MICAL3: variants seen among roughly 807,000 people sequenced by gnomAD.
MICAL3 encodes [F-actin]-monooxygenase MICAL3.
MICAL3 carries 62 observed loss-of-function variants against 207.4 expected under a neutral mutation model. The observed-to-expected ratio is 0.30, with a 90% CI of 0.24 to 0.37. MICAL3 has a LOEUF of 0.37. MICAL3 is among the 10% of genes least tolerant of loss of function. MICAL3 has a pLI of 1.00. For synonymous variants in MICAL3, 1,077 were observed against 1,069.3 expected, an observed-to-expected ratio of 1.01 and a Z score of -0.14; for missense variants, 2,368 against 2,635.6, an observed-to-expected ratio of 0.90 and a Z score of 2.22.
intron 29 of MICAL3, among the ~76,000 whole-genome samples, chr22:17,795,467 T>C (rs1230684107): frequency 6.6e-6 from 1 of 152,074 alleles, no homozygotes; most frequent in East Asian, 1.9e-4. Context: ...CCTGCACGGG[T>C]AATAATTACA....
At chr22:17,809,372 A>G (rs559417866) in intron 28 of MICAL3, among the ~76,000 whole-genome samples, 1 of 152,342 alleles carries the variant, frequency 6.6e-6, no homozygotes, top group East Asian at 1.9e-4. Flanking sequence ...ACGGTGGCTC[A>G]TCCGTGTAAT....
intron 1 of MICAL3, among the ~76,000 whole-genome samples, chr22:17,948,522 G>A (rs1300721972): frequency 6.6e-6 from 1 of 152,210 alleles, no homozygotes; most frequent in Admixed American, 6.5e-5. Context: ...ACAAGACACA[G>A]ACCCTGCTCC....
At chr22:17,893,978 T>G in intron 10 of MICAL3, 74 bp from the exon 11 acceptor site, 1 of 1,113,058 alleles carries the variant, frequency 9.0e-7, no homozygotes, top group East Asian at 2.6e-5. Flanking sequence ...AAGAGCAGAA[T>G]GGCTGAAAGG....
At position 17,865,985 on chromosome 22, in the gene MICAL3, C is replaced by T; in HGVS notation, c.2456G>A (p.Cys819Tyr). The T allele has an allele frequency of 6.2e-7, 1 of 1,613,932 alleles. No individual in the cohort carries two copies. The highest frequency in any genetic ancestry group is 2.2e-5 in the East Asian group (1 of 44,886). ...DGKFYCKPHYCYRLSGYAQRK... is the reference protein window; with the variant it reads ...DGKFYCKPHYYYRLSGYAQRK... ...TTGTGCGTAGCCAGAGAGTCGATAG[C>T]AGTAGTGTGGCTTACAGTAGAATTT... Residue 819 changes from cysteine (C) to tyrosine (Y), a missense_variant, in exon 18 of 32, where the codon TGC becomes TAC. This residue lies in a region of MICAL3 where 1,770 missense variants were observed against 1,863.2 expected (regional missense o/e 0.95). Coordinates refer to ENST00000441493, the MANE Select transcript of MICAL3 (RefSeq NM_015241.3).
At chr22:17,993,974 C>G (rs1219650185) in intron 1 of MICAL3, among the ~76,000 whole-genome samples, 4 of 152,180 alleles carry the variant, frequency 2.6e-5, no homozygotes, top group South Asian at 4.1e-4. Flanking sequence ...CTCTGTGCCC[C>G]ACTTCCTAGT....
chr22:17,837,491 G>A (rs1923520093), intron 20 of MICAL3, among the ~76,000 whole-genome samples: 1 of 152,272 alleles, frequency 6.6e-6, no homozygotes, highest in Non-Finnish European at 1.5e-5. Context: ...TGCACCAGCT[G>A]CCTTTGCTGC....
intron 17 of MICAL3, among the ~76,000 whole-genome samples, chr22:17,867,140 G>A (rs1157740572): frequency 6.6e-6 from 1 of 152,186 alleles, no homozygotes; most frequent in African/African-American, 2.4e-5. Context: ...CAGAGAAACT[G>A]ACTTGTTTTA....
At chr22:17,888,856 T>G (rs1930152372) in intron 13 of MICAL3, among the ~76,000 whole-genome samples, 178 bp downstream of exon 13, 1 of 152,154 alleles carries the variant, frequency 6.6e-6, no homozygotes, top group Non-Finnish European at 1.5e-5. Flanking sequence ...AACACACTAC[T>G]AGAGAAGGGA....
intron 1 of MICAL3, chr22:18,001,352 G>A (rs953230620): frequency 6.6e-6 from 1 of 152,270 alleles, no homozygotes; most frequent in African/African-American, 2.4e-5. Context: ...GCTCCCCGGG[G>A]ACGGTTGGCG....
In MICAL3 at chr22:17,941,284, C is replaced by G. The variant is rs141059046; in HGVS notation, c.-74-34398G>C. 7.7e-4 allele frequency among the ~76,000 whole-genome samples: 118 copies of G among 152,312 alleles called. 1 individual carries two copies. In the East Asian group the frequency reaches 0.011, roughly 14 times the overall value. On this transcript the variant is annotated intron_variant, in intron 1 of 31. Coordinates refer to ENST00000441493, the MANE Select transcript of MICAL3 (RefSeq NM_015241.3). ...TTAGAGAAGTGAACTATGTCAACACCGGCACCGATGTCAGCCAAGTTGAAA... is the reference window on the plus strand; with the variant it reads ...TTAGAGAAGTGAACTATGTCAACACGGGCACCGATGTCAGCCAAGTTGAAA...
At chr22:17,825,214 G>A (rs1922044960) in intron 22 of MICAL3, among the ~76,000 whole-genome samples, 1 of 151,908 alleles carries the variant, frequency 6.6e-6, no homozygotes, top group Non-Finnish European at 1.5e-5. Flanking sequence ...CGGGTGAGAA[G>A]TCTACACTCC....
At position 17,900,401 on chromosome 22, in the gene MICAL3, G is replaced by A. The variant is rs904274999; in HGVS notation, c.847+441C>T. ...AGGCAGGTGGAGCCCAGGAGTTTGG[G>A]AGCAGCCCGGGCAACATGGCGAAAC... On this transcript the variant is annotated intron_variant, in intron 6 of 31. Coordinates refer to ENST00000441493, the MANE Select transcript of MICAL3 (RefSeq NM_015241.3). This position sits in a 1 kb window ranked among gnomAD's most constrained non-coding sequence, Gnocchi z 4.0. 1.3e-5 allele frequency among the ~76,000 whole-genome samples: 2 copies of A among 152,204 alleles called. No homozygotes were observed. Among genetic ancestry groups the A allele is most frequent in the African/African-American group, 4.8e-5 (2 of 41,438 alleles).
chr22:17,892,573 C>G (rs1930478956), intron 11 of MICAL3, among the ~76,000 whole-genome samples: 1 of 152,174 alleles, frequency 6.6e-6, no homozygotes, highest in South Asian at 2.1e-4. Flanking sequence ...GGTGCCATCT[C>G]TTGGCTCAGA....
intron 1 of MICAL3, among the ~76,000 whole-genome samples, chr22:17,945,213 G>A (rs1417295329): frequency 6.6e-6 from 1 of 152,092 alleles, no homozygotes; most frequent in Admixed American, 6.5e-5. Context: ...CCATAAGGAA[G>A]CCCCCAATCC....
chr22:17,866,613 C>CAGAATGGAATAGAATAGAAT (rs1556037532), intron 17 of MICAL3, among the ~76,000 whole-genome samples: 1 of 136,176 alleles, frequency 7.3e-6, no homozygotes, highest in African/African-American at 2.9e-5. Context: ...TAGAACAGAA[C>CAGAATGGAATAGAATAGAAT]AGAATAGAAT....
intron 29 of MICAL3, 63 bp downstream of exon 29, chr22:17,808,781 C>T: frequency 7.2e-7 from 1 of 1,397,862 alleles, no homozygotes; most frequent in Non-Finnish European, 9.9e-7. Flanking sequence ...GCAAAACTAG[C>T]CTACCACGGC....
rs377033076 is a variant in MICAL3 at position 17,817,902 on chromosome 22, C to T, written c.4759G>A (p.Ala1587Thr). 152 of 1,612,348 alleles carry T rather than the reference C, an allele frequency of 9.4e-5. No homozygotes were observed. The African/African-American group carries it at 1.7e-3, about 18-fold the overall frequency. Residue 1587 changes from alanine (A) to threonine (T), a missense_variant, in exon 26 of 32, where the codon GCG becomes ACG. Physicochemically the swap from Ala to Thr is moderately conservative, Grantham distance 58. Around this residue, in one of 4 missense-constraint regions of MICAL3, gnomAD observed 1,770 missense variants for 1,863.2 expected, o/e 0.95. Transcript: ENST00000441493. Reference sequence around the variant, plus strand: ...TCCTCGGCCAACTCCTTGGCTTCCGCGGACACCAAGGGCAGCCCCCTCTTC... The same window carrying T: ...TCCTCGGCCAACTCCTTGGCTTCCGTGGACACCAAGGGCAGCCCCCTCTTC... ...PQKRGLPLVS[A>T]EAKELAEERM...
At chr22:17,949,245 A>C (rs1483097263) in intron 1 of MICAL3, among the ~76,000 whole-genome samples, 3 of 152,192 alleles carry the variant, frequency 2.0e-5, no homozygotes, top group Non-Finnish European at 2.9e-5. Flanking sequence ...GATTTCTCAA[A>C]GATTAACAAG....
chr22:17,896,500 AT>A, intron 8 of MICAL3, 139 bp from the exon 9 acceptor site: 1 of 745,572 alleles, frequency 1.3e-6, no homozygotes, highest in Non-Finnish European at 2.2e-6. Context: ...TCCTTCCCAG[AT>A]TGGCAAGGAG....
Sources: allele counts gnomAD v4.1 joint callset (sites outside exome capture counted in the v4.1 genomes callset), GRCh38; gene constraint gnomAD v4.1.1; regional missense constraint gnomAD v4.1.1; non-coding constraint Gnocchi (gnomAD v3.1); transcripts MANE v1.5; gene names NCBI Gene and HGNC (gene_info 2026-07-23, HGNC 2026-07-21).